Variants in DPYD observed in about 807,000 individuals in gnomAD.
DPYD encodes the protein dihydropyrimidine dehydrogenase, also known as dihydropyrimidine dehydrogenase [NADP(+)].
Under a neutral mutation model 116.2 loss-of-function variants are expected in DPYD, and 109 were observed. The ratio of observed to expected loss-of-function variants is 0.94; its 90% CI spans 0.80 to 1.10. DPYD has a LOEUF of 1.10. DPYD is among the 50% of genes least tolerant of loss of function. The pLI is 0.00. For missense variants in DPYD, 1,302 were observed against 1,254.5 expected (o/e 1.04, Z -0.57); for synonymous variants, 440 against 432.0 (o/e 1.02, Z -0.23).
chr1:97,899,101 G>T (rs944853247), intron 1 of DPYD, among the ~76,000 whole-genome samples: 10 of 144,214 alleles, frequency 6.9e-5, no homozygotes, highest in South Asian at 6.7e-4. Context: ...GTTTTGTTTT[G>T]TTTTTTTTTT....
intron 18 of DPYD, among the ~76,000 whole-genome samples, chr1:97,286,292 G>A (rs1665675308): frequency 6.6e-6 from 1 of 152,188 alleles, no homozygotes; most frequent in Non-Finnish European, 1.5e-5. Context: ...GAGATCCGCT[G>A]TTAGTCTGAT....
chr1:97,536,922 A>G (rs903313158), intron 12 of DPYD, among the ~76,000 whole-genome samples: 1 of 152,174 alleles, frequency 6.6e-6, no homozygotes, highest in Non-Finnish European at 1.5e-5. Flanking sequence ...TAACGGAAAT[A>G]CTCTAATATT....
intron 21 of DPYD, among the ~76,000 whole-genome samples, chr1:97,083,983 T>C (rs1226584730): frequency 1.3e-5 from 2 of 152,132 alleles, no homozygotes; most frequent in Admixed American, 6.6e-5. Flanking sequence ...AATTTCTCAT[T>C]AATTTTAATG....
At chr1:97,681,087 T>C (rs892761443) in intron 7 of DPYD, among the ~76,000 whole-genome samples, 9 of 152,178 alleles carry the variant, frequency 5.9e-5, no homozygotes, top group African/African-American at 2.2e-4. Context: ...AAGTACTGCA[T>C]ATACTGACTC....
chr1:97,219,199 A>G (rs1660625056), intron 19 of DPYD, among the ~76,000 whole-genome samples: 1 of 152,218 alleles, frequency 6.6e-6, no homozygotes, highest in Non-Finnish European at 1.5e-5. Context: ...GTGGGGTACA[A>G]AACTGAATGT....
chr1:97,848,298 C>T (rs7514861), intron 2 of DPYD, among the ~76,000 whole-genome samples: 1 of 152,162 alleles, frequency 6.6e-6, no homozygotes, highest in African/African-American at 2.4e-5. Flanking sequence ...GGGGTTTCAC[C>T]GTGTTAGCCA....
intron 18 of DPYD, among the ~76,000 whole-genome samples, chr1:97,292,728 A>G (rs1171235950): frequency 1.4e-5 from 2 of 139,102 alleles, no homozygotes; most frequent in African/African-American, 2.6e-5. Flanking sequence ...GCGAGCACAC[A>G]CACACACACA....
At chr1:97,730,987 G>A (rs910432116) in intron 4 of DPYD, among the ~76,000 whole-genome samples, 6 of 151,658 alleles carry the variant, frequency 4.0e-5, no homozygotes, top group South Asian at 4.1e-4. Flanking sequence ...ATTATTGAAA[G>A]GTGAAGATTA....
chr1:97,573,839 A>G lies in DPYD; in HGVS notation c.1260T>C (p.Asn420=). The part of the protein sequence containing the change: ...RTEQDETGKW[N]EDEDQMVHLK... ...GATGGACCATCTGATCTTCATCTTCATTCCATTTTCCAGTTTCATCTTGCT... is the reference window on the plus strand; with the variant it reads ...GATGGACCATCTGATCTTCATCTTCGTTCCATTTTCCAGTTTCATCTTGCT... The change falls in exon 11 of 23, where the codon AAT becomes AAC. Residue 420 remains asparagine (N), a synonymous_variant. Coordinates refer to ENST00000370192, the MANE Select transcript of DPYD (RefSeq NM_000110.4). 1.2e-6 allele frequency: 2 copies of G among 1,613,644 alleles called. No individual in the cohort carries two copies. Among genetic ancestry groups the G allele is most frequent in the Non-Finnish European group, 1.7e-6 (2 of 1,179,674 alleles).
chr1:97,445,565 C>A (rs951274497), intron 14 of DPYD, among the ~76,000 whole-genome samples: 2 of 152,100 alleles, frequency 1.3e-5, no homozygotes, highest in African/African-American at 4.8e-5. Context: ...TCTCCTATAA[C>A]CTAGTATGTA....
chr1:97,473,084 T>C (rs189190936), intron 13 of DPYD, among the ~76,000 whole-genome samples: 12 of 152,348 alleles, frequency 7.9e-5, no homozygotes, highest in Admixed American at 3.9e-4. Flanking sequence ...CATCTTAAAA[T>C]TGTAAGTGTG....
intron 20 of DPYD, among the ~76,000 whole-genome samples, chr1:97,177,248 T>TA (rs1657346689): frequency 6.6e-6 from 1 of 152,090 alleles, no homozygotes; most frequent in Admixed American, 6.6e-5. Context: ...AAAGAAATAA[T>TA]AGAGAAATAT....
At position 97,385,562 on chromosome 1, in the gene DPYD, A is replaced by C. The variant is rs184656009; in HGVS notation, c.1906-3101T>G. 2.2e-3 allele frequency among the ~76,000 whole-genome samples: 327 copies of C among 150,416 alleles called. 1 individual carries two copies. Among genetic ancestry groups the C allele is most frequent in the African/African-American group, 7.5e-3 (309 of 41,360 alleles). Reference sequence around the variant, plus strand: ...AACAAAATAAAACAATAACAACAACAACCACAAAACCCCCACCTCCTAACA... The same window carrying C: ...AACAAAATAAAACAATAACAACAACCACCACAAAACCCCCACCTCCTAACA... On this transcript the variant is annotated intron_variant, in intron 14 of 22. Transcript: ENST00000370192.
intron 14 of DPYD, among the ~76,000 whole-genome samples, chr1:97,399,880 C>T (rs1673266255): frequency 6.6e-6 from 1 of 152,174 alleles, no homozygotes. Context: ...GATACACGAT[C>T]ATGTCATCTG....
chr1:97,584,580 T>C (rs948722264), intron 10 of DPYD, among the ~76,000 whole-genome samples: 1 of 152,036 alleles, frequency 6.6e-6, no homozygotes, highest in African/African-American at 2.4e-5. Flanking sequence ...CTTGAATTAA[T>C]TTTTGTGGCA....
At chr1:97,243,935 G>A (rs1281833594) in intron 18 of DPYD, among the ~76,000 whole-genome samples, 1 of 151,780 alleles carries the variant, frequency 6.6e-6, no homozygotes, top group Non-Finnish European at 1.5e-5. Flanking sequence ...AGAATAATAG[G>A]ACAAAGACAA....
chr1:97,245,723 T>TA (rs1399517721), intron 18 of DPYD, among the ~76,000 whole-genome samples: 2 of 151,924 alleles, frequency 1.3e-5, no homozygotes, highest in Non-Finnish European at 2.9e-5. Flanking sequence ...TACAGAAAAA[T>TA]AAAAAAGAGG....
chr1:97,093,851 G>A (rs539295418), intron 21 of DPYD, among the ~76,000 whole-genome samples: 103 of 152,042 alleles, frequency 6.8e-4, no homozygotes, highest in African/African-American at 2.3e-3. Flanking sequence ...TTCATGACAC[G>A]TCTCTCCTCT....
At position 97,206,640 on chromosome 1, in the gene DPYD, A is replaced by ATATATATGTG. The variant is rs1416584062; in HGVS notation, c.2443-13393_2443-13392insCACATATATA. On this transcript the variant is annotated intron_variant, in intron 19 of 22. Transcript: ENST00000370192. ...TTTCATGTGAAAACAGGGAGATTTT[A>ATATATATGTG]TATATATATATATATATATATATAT... Among the ~76,000 whole-genome samples, 54 of 11,378 alleles carry ATATATATGTG rather than the reference A, an allele frequency of 4.7e-3. No homozygotes were observed. The African/African-American group carries it at 0.051, about 11-fold the overall frequency. The allele number at this position is 11,378 out of a possible 152,430, so 7.5% of individuals were successfully genotyped here.
Sources: gnomAD v4.1 joint callset for allele counts (sites outside exome capture counted in the v4.1 genomes callset) on GRCh38, gnomAD v4.1.1 for gene constraint, MANE v1.5 for transcripts, NCBI Gene and HGNC (gene_info 2026-07-23, HGNC 2026-07-21) for gene names.